The following RBFOX1 variants were observed in gnomAD, a reference collection of about 807,000 sequenced individuals.
RBFOX1 encodes RNA binding protein fox-1 homolog 1.
A neutral mutation model predicts 57.7 loss-of-function variants in RBFOX1; 8 were observed. That is an observed-to-expected ratio of 0.14 (90% CI 0.08 to 0.25). RBFOX1 has a LOEUF of 0.25. Among genes scored for constraint, RBFOX1 ranks in the 10% least tolerant of loss-of-function variants. The probability of loss-of-function intolerance (pLI) is 1.00; values close to 1 mark genes in which losing one functional copy is unlikely to be tolerated. For synonymous variants in RBFOX1, 326 were observed against 222.4 expected, an observed-to-expected ratio of 1.47 and a Z score of -4.15; for missense variants, 611 against 548.5, an observed-to-expected ratio of 1.11 and a Z score of -1.14.
At chr16:6,685,701 C>G (rs11077067) in intron 3 of RBFOX1, among the ~76,000 whole-genome samples, 1 of 152,014 alleles carries the variant, frequency 6.6e-6, no homozygotes. Flanking sequence ...AGGAGAAAAA[C>G]AAGATGGCCT....
intron 3 of RBFOX1, among the ~76,000 whole-genome samples, chr16:7,042,697 G>A (rs916022132): frequency 1.4e-4 from 21 of 152,172 alleles, no homozygotes; most frequent in African/African-American, 4.1e-4. Flanking sequence ...AGGCCCAGGC[G>A]GGCGGATCAT....
intron 3 of RBFOX1, among the ~76,000 whole-genome samples, chr16:6,902,253 A>G (rs1441107079): frequency 6.6e-6 from 1 of 152,130 alleles, no homozygotes; most frequent in Admixed American, 6.6e-5. Flanking sequence ...CAGTTTCTGT[A>G]TTGAAGCCCC....
intron 13 of RBFOX1, among the ~76,000 whole-genome samples, chr16:7,674,423 A>C (rs966204718): frequency 6.6e-6 from 1 of 152,220 alleles, no homozygotes; most frequent in African/African-American, 2.4e-5. Context: ...GTTGGACAGC[A>C]CAGATATAGA....
chr16:6,334,525 T>G (rs866297225), intron 2 of RBFOX1, among the ~76,000 whole-genome samples: 1 of 105,712 alleles, frequency 9.5e-6, no homozygotes, highest in African/African-American at 3.8e-5. Flanking sequence ...AAAAAAAAAA[T>G]CAAAGAAATA....
chr16:6,506,848 A>T (rs540181501), intron 2 of RBFOX1, among the ~76,000 whole-genome samples: 5 of 152,092 alleles, frequency 3.3e-5, no homozygotes, highest in African/African-American at 1.2e-4. Flanking sequence ...GGGTTTGGCC[A>T]TGTTGGCCAG....
At chr16:5,379,575 CA>C (rs2066078324) in intron 1 of RBFOX1, among the ~76,000 whole-genome samples, 2 of 152,332 alleles carry the variant, frequency 1.3e-5, no homozygotes, top group Admixed American at 1.3e-4. Flanking sequence ...TAGAGCCCTT[CA>C]CTGGGCTCTG....
At chr16:6,443,475 A>G (rs1005808206) in intron 2 of RBFOX1, among the ~76,000 whole-genome samples, 1 of 152,186 alleles carries the variant, frequency 6.6e-6, no homozygotes, top group African/African-American at 2.4e-5. Flanking sequence ...ATTTATCCCC[A>G]GAAACTCTCT....
chr16:6,850,291 C>A (rs759640882), intron 3 of RBFOX1, among the ~76,000 whole-genome samples: 19 of 152,082 alleles, frequency 1.2e-4, no homozygotes, highest in Non-Finnish European at 2.4e-4. Flanking sequence ...TGCATACTTA[C>A]AAATATTGAC....
chr16:5,684,553 G>C (rs1161675337), intron 3 of RBFOX1, among the ~76,000 whole-genome samples: 2 of 152,120 alleles, frequency 1.3e-5, no homozygotes, highest in African/African-American at 4.8e-5. Context: ...ATTTCTCTTG[G>C]TTCCCTCAAG....
chr16:5,394,595 T>C (rs1294760710), intron 1 of RBFOX1, among the ~76,000 whole-genome samples: 1 of 149,348 alleles, frequency 6.7e-6, no homozygotes, highest in African/African-American at 2.5e-5. Flanking sequence ...AGGATCTTGC[T>C]CTGTTGCCCA....
chr16:6,117,250 A>G (rs1262992989), intron 1 of RBFOX1, among the ~76,000 whole-genome samples: 1 of 152,140 alleles, frequency 6.6e-6, no homozygotes, highest in Non-Finnish European at 1.5e-5. Context: ...ATTCCTAGGA[A>G]TTTGTGGACA....
intron 4 of RBFOX1, among the ~76,000 whole-genome samples, chr16:7,159,676 G>A (rs2077878816): frequency 6.6e-6 from 1 of 152,194 alleles, no homozygotes; most frequent in South Asian, 2.1e-4. Context: ...GCAGAAGGCA[G>A]TTTTGTTTGG....
intron 4 of RBFOX1, among the ~76,000 whole-genome samples, chr16:7,182,814 C>G (rs1254816517): frequency 1.3e-5 from 2 of 152,166 alleles, no homozygotes; most frequent in South Asian, 2.1e-4. Flanking sequence ...AATGCCTTCC[C>G]TTAATCTCCA....
At chr16:5,295,486 C>T (rs553924982) in intron 1 of RBFOX1, among the ~76,000 whole-genome samples, 1 of 152,284 alleles carries the variant, frequency 6.6e-6, no homozygotes, top group East Asian at 1.9e-4. Context: ...TCAGCCAGGG[C>T]TCGGTTCTCA....
At chr16:7,209,585 C>G (rs560321995) in intron 4 of RBFOX1, among the ~76,000 whole-genome samples, 8 of 152,300 alleles carry the variant, frequency 5.3e-5, no homozygotes, top group African/African-American at 1.9e-4. Flanking sequence ...CCCTCACCTT[C>G]TCATCAAAAA....
chr16:5,565,256 G>T (rs553700458), intron 2 of RBFOX1, among the ~76,000 whole-genome samples: 1 of 151,176 alleles, frequency 6.6e-6, no homozygotes, highest in African/African-American at 2.5e-5. Flanking sequence ...AAGGAAAACT[G>T]GTGTGTGTGT....
At chr16:6,363,932 C>T (rs965675662) in intron 2 of RBFOX1, among the ~76,000 whole-genome samples, 7 of 152,002 alleles carry the variant, frequency 4.6e-5, no homozygotes, top group African/African-American at 9.7e-5. Flanking sequence ...GTAATCATAT[C>T]GTACAATAAA....
intron 4 of RBFOX1, among the ~76,000 whole-genome samples, chr16:7,308,766 C>T (rs557528867): frequency 2.6e-5 from 4 of 152,306 alleles, no homozygotes; most frequent in East Asian, 1.9e-4. Context: ...TGGGCTCTCG[C>T]GCGAAGGCTG....
chr16:5,338,960 A>G (rs1156320567), intron 1 of RBFOX1, among the ~76,000 whole-genome samples: 7 of 152,064 alleles, frequency 4.6e-5, no homozygotes, highest in Non-Finnish European at 4.4e-5. Context: ...ATCTGTATAC[A>G]TTGTGGATGA....
Sources: allele counts gnomAD v4.1 joint callset (sites outside exome capture counted in the v4.1 genomes callset), GRCh38; gene constraint gnomAD v4.1.1; transcripts MANE v1.5; gene names NCBI Gene and HGNC (gene_info 2026-07-23, HGNC 2026-07-21).